Variants in RAPGEF1 observed in about 807,000 individuals in gnomAD.
RAPGEF1 encodes Rap guanine nucleotide exchange factor 1, also known as CRK SH3-binding GNRP.
In RAPGEF1, 33 loss-of-function variants were observed where a neutral mutation model predicts 143.3. The observed-to-expected ratio is 0.23, with a 90% CI of 0.17 to 0.31. RAPGEF1 has a LOEUF of 0.31. Ranked by LOEUF, RAPGEF1 falls within the 10% of genes least tolerant of loss-of-function variation. The probability of loss-of-function intolerance (pLI) is 1.00; values close to 1 mark genes in which losing one functional copy is unlikely to be tolerated. For missense variants in RAPGEF1, 1,199 were observed against 1,645.4 expected, an observed-to-expected ratio of 0.73 and a Z score of 4.69; for synonymous variants, 629 against 676.5, an observed-to-expected ratio of 0.93 and a Z score of 1.09.
chr9:131,653,795 C>T (rs1193715351), intron 1 of RAPGEF1, among the ~76,000 whole-genome samples: 3 of 152,120 alleles, frequency 2.0e-5, no homozygotes, highest in Non-Finnish European at 4.4e-5. Context: ...GAAATGAAAG[C>T]CTAAATCCAT....
Position 131,628,180 on chromosome 9 carries a change from C to G in RAPGEF1, c.1018-84G>C, listed in dbSNP as rs1276446732. The G allele has an allele frequency of 1.6e-6, 2 of 1,284,960 alleles. No homozygotes were observed. Among genetic ancestry groups the G allele is most frequent in the Non-Finnish European group, 2.1e-6 (2 of 959,576 alleles). 79.6% of individuals were successfully genotyped at this position (1,284,960 alleles called of 1,614,324 possible). On this transcript the variant is annotated intron_variant, in intron 8 of 26. Coordinates refer to ENST00000683357, the MANE Select transcript of RAPGEF1 (RefSeq NM_001377935.1). The surrounding 1 kb of genome is among the most constrained non-coding windows in gnomAD (Gnocchi z 5.7). ...AGGGGTGAGGCAACCGGTGCATTTACTTAGAGAAGGAAATACTGCCAGGCG... is the reference window on the plus strand; with the variant it reads ...AGGGGTGAGGCAACCGGTGCATTTAGTTAGAGAAGGAAATACTGCCAGGCG...
Position 131,603,995 on chromosome 9 carries a change from C to T in RAPGEF1, c.2378G>A (p.Gly793Asp), listed in dbSNP as rs774733859. 5.2e-6 allele frequency: 7 copies of T among 1,338,584 alleles called. No individual in the cohort carries two copies. Among genetic ancestry groups the T allele is most frequent in the Middle Eastern group, 2.1e-4 (1 of 4,762 alleles). The allele number at this position is 1,338,584 out of a possible 1,614,324, so 82.9% of individuals were successfully genotyped here. A position where few individuals can be genotyped will look rare whatever the true frequency, so the allele number is the denominator to read the frequency against. ...GGGAGCCAGCTCCTCGCTGCTCTGG[C>T]CAGAGGAATACAGATTGACATATTC... is the stretch of plus-strand genomic sequence containing the variant. ...EGEYVNLYSS[G>D]QSSEELAPSR... Residue 793 changes from glycine to aspartate, a missense_variant, in exon 14 of 27, where the codon GGC becomes GAC. Physicochemically the swap from Gly to Asp is moderately conservative, Grantham distance 94. Coordinates refer to ENST00000683357, the MANE Select transcript of RAPGEF1 (RefSeq NM_001377935.1).
At chr9:131,698,722 C>A (rs1002695510) in intron 1 of RAPGEF1, among the ~76,000 whole-genome samples, 3 of 152,208 alleles carry the variant, frequency 2.0e-5, no homozygotes, top group Non-Finnish European at 4.4e-5. Context: ...GGGCTGCCCC[C>A]CTTCCCCGAC....
At chr9:131,681,387 G>A (rs1012558241) in intron 1 of RAPGEF1, among the ~76,000 whole-genome samples, 15 of 152,126 alleles carry the variant, frequency 9.9e-5, no homozygotes, top group Admixed American at 7.9e-4. Flanking sequence ...GCAGTTCCCT[G>A]TTAGAATACA....
intron 3 of RAPGEF1, 116 bp from the exon 4 acceptor site, chr9:131,643,533 T>C: frequency 9.6e-7 from 1 of 1,044,504 alleles, no homozygotes; most frequent in Non-Finnish European, 1.3e-6. Context: ...GGAAAGGCTC[T>C]TGCTACAGAA....
At chr9:131,630,606 ATTGT>A (rs773668423) in intron 5 of RAPGEF1, among the ~76,000 whole-genome samples, 5 of 152,216 alleles carry the variant, frequency 3.3e-5, no homozygotes, top group Non-Finnish European at 4.4e-5. Flanking sequence ...TCTCAAAATG[ATTGT>A]TTATCACACA....
intron 5 of RAPGEF1, among the ~76,000 whole-genome samples, chr9:131,637,162 T>C (rs1185103641): frequency 6.6e-6 from 1 of 150,722 alleles, no homozygotes; most frequent in Non-Finnish European, 1.5e-5. Flanking sequence ...GAGGCAGAGG[T>C]TGCAGTGAGC....
chr9:131,593,948 C>T (rs1191349977), intron 17 of RAPGEF1, among the ~76,000 whole-genome samples: 5 of 152,220 alleles, frequency 3.3e-5, no homozygotes, highest in Non-Finnish European at 7.3e-5. Context: ...TCGTGGGACT[C>T]GCTGGTGAGC....
chr9:131,736,323 C>G (rs1837413476), intron 1 of RAPGEF1, among the ~76,000 whole-genome samples: 1 of 152,162 alleles, frequency 6.6e-6, no homozygotes, highest in Admixed American at 6.5e-5. Flanking sequence ...CAGCTTGTTC[C>G]TGGCCCTCCA....
intron 1 of RAPGEF1, among the ~76,000 whole-genome samples, chr9:131,681,639 T>C (rs1056745288): frequency 6.6e-6 from 1 of 152,184 alleles, no homozygotes; most frequent in Non-Finnish European, 1.5e-5. Flanking sequence ...GAAGCTTCCA[T>C]TCAGGCTGCT....
At chr9:131,602,547 G>C (rs940096311) in intron 14 of RAPGEF1, among the ~76,000 whole-genome samples, 4 of 152,170 alleles carry the variant, frequency 2.6e-5, no homozygotes, top group South Asian at 2.1e-4. Flanking sequence ...TAGAAACAGA[G>C]GCCAGAAGTC....
chr9:131,701,171 C>T (rs955926459), intron 1 of RAPGEF1, among the ~76,000 whole-genome samples: 7 of 152,172 alleles, frequency 4.6e-5, no homozygotes, highest in Admixed American at 2.6e-4. Context: ...TGGTGACACC[C>T]TCTATGCAGC....
At chr9:131,657,852 C>A (rs575044973) in intron 1 of RAPGEF1, among the ~76,000 whole-genome samples, 1 of 152,184 alleles carries the variant, frequency 6.6e-6, no homozygotes, top group Non-Finnish European at 1.5e-5. Flanking sequence ...TAGTTTATAT[C>A]GACATATACA....
intron 1 of RAPGEF1, among the ~76,000 whole-genome samples, chr9:131,682,897 A>ATATT (rs1457937297): frequency 6.6e-6 from 1 of 152,178 alleles, no homozygotes; most frequent in African/African-American, 2.4e-5. Flanking sequence ...TCAATGTAAC[A>ATATT]TATTTGGAGT....
chr9:131,580,182 C>A, intron 26 of RAPGEF1, 81 bp downstream of exon 26: 1 of 1,556,648 alleles, frequency 6.4e-7, no homozygotes, highest in Non-Finnish European at 8.7e-7. Context: ...CTCCCCCTCC[C>A]CTCGGTGTCC....
rs1830619556 is a variant in RAPGEF1 at position 131,667,449 on chromosome 9, G to A, written c.62-16500C>T. Among the ~76,000 whole-genome samples, 1 of 152,188 alleles carries A rather than the reference G, an allele frequency of 6.6e-6. No homozygotes were observed. The highest frequency in any genetic ancestry group is 1.5e-5 in the Non-Finnish European group (1 of 68,036). ...GGTACTGCCCATTTCCTCCTCCACA[G>A]TACCTGGTACAGGGACAGAGGTGGC... On this transcript the variant is annotated intron_variant, in intron 1 of 26. Coordinates refer to ENST00000683357, the MANE Select transcript of RAPGEF1 (RefSeq NM_001377935.1). This position sits in a 1 kb window ranked among gnomAD's most constrained non-coding sequence, Gnocchi z 4.6.
At chr9:131,737,612 G>A in intron 1 of RAPGEF1, 1 of 1,461,154 alleles carries the variant, frequency 6.8e-7, no homozygotes, top group South Asian at 1.4e-5. Flanking sequence ...CAAATGAAGA[G>A]TCATTTCATT....
At chr9:131,586,306 T>A (rs1313200970) in intron 22 of RAPGEF1, among the ~76,000 whole-genome samples, 1 of 61,724 alleles carries the variant, frequency 1.6e-5, no homozygotes, top group African/African-American at 7.8e-5. Context: ...AGACTCCGTC[T>A]CAAACACACA....
chr9:131,598,989 T>C (rs1460875145), intron 15 of RAPGEF1, among the ~76,000 whole-genome samples: 1 of 152,098 alleles, frequency 6.6e-6, no homozygotes, highest in African/African-American at 2.4e-5. Flanking sequence ...TACGTCCTGC[T>C]AATTTTTGTA....
Sources: gnomAD v4.1 joint callset for allele counts (sites outside exome capture counted in the v4.1 genomes callset) on GRCh38, gnomAD v4.1.1 for gene constraint, Gnocchi (gnomAD v3.1) non-coding constraint, MANE v1.5 for transcripts, NCBI Gene and HGNC (gene_info 2026-07-23, HGNC 2026-07-21) for gene names.